Variants in ADAMTS19 observed in about 807,000 individuals in gnomAD.
The protein encoded by ADAMTS19 is A disintegrin and metalloproteinase with thrombospondin motifs 19.
A neutral mutation model predicts 153.3 loss-of-function variants in ADAMTS19; 93 were observed. The ratio of observed to expected loss-of-function variants is 0.61; its 90% CI spans 0.51 to 0.72. The LOEUF (loss-of-function observed/expected upper bound fraction) is 0.72. ADAMTS19 is among the 30% of genes least tolerant of loss of function. The pLI is 0.00. For synonymous variants in ADAMTS19, 600 were observed against 556.6 expected (o/e 1.08, Z -1.10); for missense variants, 1,482 against 1,552.1 (o/e 0.95, Z 0.76).
intron 2 of ADAMTS19, among the ~76,000 whole-genome samples, chr5:129,483,902 G>T (rs12188507): frequency 0.11 from 17,249 of 152,080 alleles, 1,103 homozygotes; most frequent in Middle Eastern, 0.18. Flanking sequence ...GTCTTTGAAT[G>T]GGGGGTGGGG....
chr5:129,641,442 C>T (rs938913050), intron 10 of ADAMTS19, among the ~76,000 whole-genome samples: 1 of 152,064 alleles, frequency 6.6e-6, no homozygotes, highest in African/African-American at 2.4e-5. Flanking sequence ...AGCATAAAAG[C>T]AGAGCATAAG....
At position 129,460,691 on chromosome 5, in the gene ADAMTS19, T is replaced by A. The variant is rs115425772; in HGVS notation, c.91+209T>A. The A allele has an allele frequency of 8.9e-3, 5,490 of 614,294 alleles. 53 individuals carry two copies. Among genetic ancestry groups the A allele is most frequent in the South Asian group, 0.026 (1,347 of 51,180 alleles). 38.1% of individuals were successfully genotyped at this position (614,294 alleles called of 1,614,324 possible). A position where few individuals can be genotyped will look rare whatever the true frequency, so the allele number is the denominator to read the frequency against. On this transcript the variant is annotated intron_variant, in intron 1 of 22. Transcript: ENST00000274487. ...CTCGTTTTAACCGTATGTGGAATAG[T>A]TTCCTTCTAATTAGAGCAATAATAT... is the stretch of plus-strand genomic sequence containing the variant.
In ADAMTS19 at chr5:129,596,515, C is replaced by G. The variant is rs748691560; in HGVS notation, c.1373-44C>G. 27 of 1,270,526 alleles carry G rather than the reference C, an allele frequency of 2.1e-5. 1 individual carries two copies. The South Asian group carries it at 3.6e-4, about 17-fold the overall frequency. The allele number at this position is 1,270,526 out of a possible 1,614,324, so 78.7% of individuals were successfully genotyped here. ...TGCTAATAACTAGTATAAATATTTG[C>G]ATATTCATTCAGACATATAATAATT... On this transcript the variant is annotated intron_variant, in intron 7 of 22. Transcript: ENST00000274487.
Position 129,654,301 on chromosome 5 carries a change from T to C in ADAMTS19, c.2177-5T>C. ...CTCATTTCTTTTTATCTACTCTGTA[T>C]GTAGAAAAACCATGTGCCTTGTTTT... On this transcript the variant is annotated splice_region_variant and splice_polypyrimidine_tract_variant and intron_variant, in intron 13 of 22. Coordinates refer to ENST00000274487, the MANE Select transcript of ADAMTS19 (RefSeq NM_133638.6). The C allele has an allele frequency of 6.2e-7, 1 of 1,603,340 alleles. No homozygotes were observed. The highest frequency in any genetic ancestry group is 1.1e-5 in the South Asian group (1 of 88,612).
At chr5:129,615,530 G>A (rs1212924143) in intron 8 of ADAMTS19, among the ~76,000 whole-genome samples, 1 of 151,988 alleles carries the variant, frequency 6.6e-6, no homozygotes, top group African/African-American at 2.4e-5. Flanking sequence ...CATGCCCTAT[G>A]ATTCTGATGC....
intron 2 of ADAMTS19, among the ~76,000 whole-genome samples, chr5:129,465,081 C>G (rs10053007): frequency 0.21 from 32,416 of 151,902 alleles, 5,685 homozygotes; most frequent in African/African-American, 0.48. Context: ...TGAAAATACA[C>G]TTATACCATG....
chr5:129,647,921 G>C, intron 12 of ADAMTS19, 26 bp downstream of exon 12: 1 of 1,593,868 alleles, frequency 6.3e-7, no homozygotes, highest in Non-Finnish European at 8.6e-7. Context: ...CTGGTTGGGG[G>C]AGGGCACTTT....
chr5:129,623,063 G>A (rs991290999), intron 10 of ADAMTS19, among the ~76,000 whole-genome samples: 4 of 152,098 alleles, frequency 2.6e-5, no homozygotes, highest in South Asian at 2.1e-4. Flanking sequence ...AATTGTGGAG[G>A]AGGAACTATA....
intron 3 of ADAMTS19, among the ~76,000 whole-genome samples, chr5:129,517,982 A>G (rs1488778441): frequency 1.3e-5 from 2 of 152,028 alleles, no homozygotes; most frequent in African/African-American, 2.4e-5. Flanking sequence ...TGAGGTTACC[A>G]TGAGGTTGCA....
chr5:129,639,800 C>CA (rs1423489776), intron 10 of ADAMTS19, among the ~76,000 whole-genome samples: 3 of 152,112 alleles, frequency 2.0e-5, no homozygotes, highest in Non-Finnish European at 4.4e-5. Context: ...GAAAAATCAA[C>CA]ATTTGACCCC....
At position 129,684,427 on chromosome 5, in the gene ADAMTS19, A is replaced by G. The variant is rs193048200; in HGVS notation, c.2818+154A>G. ...TTTTATATGATATGTTTAGTGGCTA[A>G]ACACCTGAAATACTTAGAATGGAAG... On this transcript the variant is annotated intron_variant, in intron 18 of 22. Coordinates refer to ENST00000274487, the MANE Select transcript of ADAMTS19 (RefSeq NM_133638.6). 2.6e-5 allele frequency among the ~76,000 whole-genome samples: 4 copies of G among 152,370 alleles called. No individual in the cohort carries two copies. The East Asian group carries it at 5.8e-4, about 22-fold the overall frequency.
chr5:129,502,196 G>A (rs988564692), intron 2 of ADAMTS19, among the ~76,000 whole-genome samples: 1 of 152,106 alleles, frequency 6.6e-6, no homozygotes, highest in Non-Finnish European at 1.5e-5. Flanking sequence ...GGAAATTCAA[G>A]GAGGAGAAAA....
At chr5:129,571,510 C>G (rs1753907542) in intron 7 of ADAMTS19, among the ~76,000 whole-genome samples, 1 of 151,284 alleles carries the variant, frequency 6.6e-6, no homozygotes, top group African/African-American at 2.4e-5. Context: ...CTACAAAATG[C>G]CGATGGGAGC....
At chr5:129,694,440 A>T (rs1416040837) in intron 18 of ADAMTS19, among the ~76,000 whole-genome samples, 3 of 152,100 alleles carry the variant, frequency 2.0e-5, no homozygotes, top group Non-Finnish European at 4.4e-5. Flanking sequence ...TTTCAAAATA[A>T]CTAGAAGAGA....
intron 2 of ADAMTS19, among the ~76,000 whole-genome samples, chr5:129,492,573 G>T (rs527326414): frequency 6.6e-6 from 1 of 151,312 alleles, no homozygotes; most frequent in Non-Finnish European, 1.5e-5. Flanking sequence ...ATGTGTGTAT[G>T]TAATGAAAAT....
intron 22 of ADAMTS19, among the ~76,000 whole-genome samples, chr5:129,736,426 C>T (rs1300015707): frequency 6.6e-6 from 1 of 151,990 alleles, no homozygotes. Context: ...TTATGCATTC[C>T]AGAACACACT....
chr5:129,504,938 T>A (rs1351468503), intron 2 of ADAMTS19, among the ~76,000 whole-genome samples: 1 of 151,130 alleles, frequency 6.6e-6, no homozygotes, highest in Admixed American at 6.6e-5. Context: ...TAATGGACAC[T>A]TAGGTTGATT....
chr5:129,706,512 T>C (rs978718458), intron 21 of ADAMTS19, among the ~76,000 whole-genome samples: 3 of 144,554 alleles, frequency 2.1e-5, no homozygotes, highest in Non-Finnish European at 4.4e-5. Context: ...GAGGTTCCAG[T>C]GAGCCAAGAT....
intron 10 of ADAMTS19, 78 bp from the exon 11 acceptor site, chr5:129,641,781 G>T (rs141763934): frequency 9.7e-5 from 80 of 824,364 alleles, no homozygotes; most frequent in Middle Eastern, 7.1e-4. Context: ...TATCAAAATA[G>T]CTTTCTTAAC....
Sources: allele counts gnomAD v4.1 joint callset (sites outside exome capture counted in the v4.1 genomes callset), GRCh38; gene constraint gnomAD v4.1.1; transcripts MANE v1.5; gene names NCBI Gene and HGNC (gene_info 2026-07-23, HGNC 2026-07-21).